The following COL4A1 variants were observed in gnomAD, a reference collection of about 807,000 sequenced individuals.
COL4A1 encodes the protein collagen type IV alpha 1 chain.
Under a neutral mutation model 216.6 loss-of-function variants are expected in COL4A1, and 40 were observed. That is an observed-to-expected ratio of 0.18 (90% CI 0.14 to 0.24). The LOEUF (loss-of-function observed/expected upper bound fraction) is 0.24. Among genes scored for constraint, COL4A1 ranks in the 10% least tolerant of loss-of-function variants. COL4A1 has a pLI of 1.00. For synonymous variants in COL4A1, 839 were observed against 810.7 expected, an observed-to-expected ratio of 1.03 and a Z score of -0.59; for missense variants, 1,628 against 2,196.8, an observed-to-expected ratio of 0.74 and a Z score of 5.18.
chr13:110,270,130 C>T (rs935247704), intron 1 of COL4A1, among the ~76,000 whole-genome samples: 54 of 152,172 alleles, frequency 3.5e-4, no homozygotes, highest in Admixed American at 2.8e-3. Flanking sequence ...CTGCAGATCA[C>T]CTGGCAAGAC....
intron 1 of COL4A1, among the ~76,000 whole-genome samples, chr13:110,254,544 C>T (rs1026551682): frequency 6.6e-6 from 1 of 152,126 alleles, no homozygotes; most frequent in Non-Finnish European, 1.5e-5. Flanking sequence ...ACATGAAAAG[C>T]CTAAGTGACT....
At chr13:110,239,618 G>A (rs939301879) in intron 2 of COL4A1, among the ~76,000 whole-genome samples, 1 of 152,202 alleles carries the variant, frequency 6.6e-6, no homozygotes, top group African/African-American at 2.4e-5. Flanking sequence ...ATCTAAACCA[G>A]TAGATTTGTA....
chr13:110,153,207 G>C (rs531176081), intron 50 of COL4A1, among the ~76,000 whole-genome samples: 52 of 152,158 alleles, frequency 3.4e-4, no homozygotes, highest in Admixed American at 7.2e-4. Flanking sequence ...AGGGACCTTT[G>C]AGGACAAGGC....
Position 110,265,589 on chromosome 13 carries a change from T to G in COL4A1, c.85-22855A>C, listed in dbSNP as rs552888818. ...GTGACAAGGACACAGCCCAGCCAAC[T>G]GACTCCACACAGGTGGCTGCAACCC... On this transcript the variant is annotated intron_variant, in intron 1 of 51. Transcript: ENST00000375820. The G allele has an allele frequency of 3.3e-5, 5 of 152,368 alleles. No homozygotes were observed. In the South Asian group the frequency reaches 1.0e-3, roughly 32 times the overall value. 9.4% of individuals were successfully genotyped at this position (152,368 alleles called of 1,614,324 possible).
At chr13:110,238,357 T>A (rs1296782235) in intron 2 of COL4A1, among the ~76,000 whole-genome samples, 4 of 152,264 alleles carry the variant, frequency 2.6e-5, no homozygotes, top group African/African-American at 4.8e-5. Context: ...AAATCTTTGC[T>A]ATGACAGCAT....
At chr13:110,181,548 A>G (rs981958508) in intron 28 of COL4A1, among the ~76,000 whole-genome samples, 159 bp from the exon 29 acceptor site, 6 of 152,136 alleles carry the variant, frequency 3.9e-5, no homozygotes, top group Non-Finnish European at 7.4e-5. Context: ...AGGCCAGGGG[A>G]GACTGCCCGG....
At chr13:110,260,882 A>G (rs183572262) in intron 1 of COL4A1, among the ~76,000 whole-genome samples, 9 of 147,658 alleles carry the variant, frequency 6.1e-5, no homozygotes, top group Admixed American at 6.0e-4. Flanking sequence ...CTAAAAATAC[A>G]AAAAATTAGC....
intron 1 of COL4A1, among the ~76,000 whole-genome samples, chr13:110,300,197 G>C (rs1315587353): frequency 6.6e-6 from 1 of 152,168 alleles, no homozygotes; most frequent in African/African-American, 2.4e-5. Flanking sequence ...GTACAACGCT[G>C]AAACAGAGAA....
intron 41 of COL4A1, among the ~76,000 whole-genome samples, chr13:110,171,041 G>C (rs1877620822): frequency 2.0e-5 from 3 of 152,230 alleles, no homozygotes; most frequent in African/African-American, 7.2e-5. Flanking sequence ...AAAGACATCT[G>C]CAGCAACTGC....
intron 1 of COL4A1, among the ~76,000 whole-genome samples, chr13:110,272,379 T>C (rs1594107655): frequency 6.6e-6 from 1 of 152,332 alleles, no homozygotes; most frequent in East Asian, 1.9e-4. Context: ...CAGTATATAG[T>C]GGACTCAAAA....
At chr13:110,252,670 CATATAATATGTATATATACATATA>C (rs1882186503) in intron 1 of COL4A1, among the ~76,000 whole-genome samples, 1 of 138,696 alleles carries the variant, frequency 7.2e-6, no homozygotes, top group Non-Finnish European at 1.5e-5. Context: ...TGTATATATA[CATATAATATGTATATATACATATA>C]ATTATATGTA....
chr13:110,291,068 GC>G (rs1401192161), intron 1 of COL4A1, among the ~76,000 whole-genome samples: 3 of 152,176 alleles, frequency 2.0e-5, no homozygotes, highest in Non-Finnish European at 4.4e-5. Flanking sequence ...TGAGTGTCCT[GC>G]CCGCCCCTCT....
intron 2 of COL4A1, among the ~76,000 whole-genome samples, chr13:110,236,068 A>C (rs903121394): frequency 6.6e-6 from 1 of 152,224 alleles, no homozygotes; most frequent in African/African-American, 2.4e-5. Flanking sequence ...AGTGAGTCCC[A>C]TACCTTAAAG....
Position 110,170,587 on chromosome 13 carries a change from G to T in COL4A1, c.3702C>A (p.Pro1234=). Residue 1234 remains proline (P), a synonymous_variant, in exon 42 of 52, where the codon CCC becomes CCA. Transcript: ENST00000375820. Reference sequence around the variant, plus strand: ...GGCCCTGAGGTCCGCGGTCTCCTTTGGGCCCCTCCGTGGCATGGCCTGGGG... The same window carrying T: ...GGCCCTGAGGTCCGCGGTCTCCTTTTGGCCCCTCCGTGGCATGGCCTGGGG... ...PGSPGHATEG[P]KGDRGPQGQP... is the part of the protein sequence containing the mutation. The T allele has an allele frequency of 6.2e-7, 1 of 1,609,882 alleles. No homozygotes were observed. Among genetic ancestry groups the T allele is most frequent in the East Asian group, 2.2e-5 (1 of 44,804 alleles).
chr13:110,170,749 G>A lies in COL4A1; in HGVS notation c.3557-17C>T. 6.2e-7 allele frequency: 1 copy of A among 1,613,930 alleles called. No homozygotes were observed. The highest frequency in any genetic ancestry group is 1.1e-5 in the South Asian group (1 of 91,074). ...CCTTTGAACCTGAACAAGAAAAACA[G>A]TTTGAGGTGATGGGAAACGCAGCAG... On this transcript the variant is annotated splice_polypyrimidine_tract_variant and intron_variant, in intron 41 of 51. Coordinates refer to ENST00000375820, the MANE Select transcript of COL4A1 (RefSeq NM_001845.6).
chr13:110,229,487 A>C (rs1253899733), intron 2 of COL4A1, among the ~76,000 whole-genome samples: 6 of 152,172 alleles, frequency 3.9e-5, no homozygotes, highest in Non-Finnish European at 1.5e-5. Context: ...TTGTCGCCAC[A>C]CATCACTGTA....
chr13:110,173,815 C>T, intron 40 of COL4A1, 85 bp downstream of exon 40: 1 of 1,510,688 alleles, frequency 6.6e-7, no homozygotes, highest in Non-Finnish European at 9.2e-7. Flanking sequence ...CTGTGCCCAG[C>T]TTTATTCACT....
At chr13:110,174,555 T>A (rs755165572) in intron 38 of COL4A1, 29 bp from the exon 39 acceptor site, 2 of 1,613,930 alleles carry the variant, frequency 1.2e-6, no homozygotes. Context: ...CACCAGAACA[T>A]CCATAAGTTT....
intron 1 of COL4A1, among the ~76,000 whole-genome samples, chr13:110,274,599 G>A (rs537941637): frequency 2.0e-5 from 3 of 152,218 alleles, no homozygotes; most frequent in South Asian, 2.1e-4. Context: ...GAAAGGATGC[G>A]GCAGGCACAC....
Sources: gnomAD v4.1 joint callset for allele counts (sites outside exome capture counted in the v4.1 genomes callset) on GRCh38, gnomAD v4.1.1 for gene constraint, MANE v1.5 for transcripts, NCBI Gene and HGNC (gene_info 2026-07-23, HGNC 2026-07-21) for gene names.